USP34: variants seen among roughly 807,000 people sequenced by gnomAD.
USP34 encodes the protein ubiquitin carboxyl-terminal hydrolase 34.
A neutral mutation model predicts 460.3 loss-of-function variants in USP34; 70 were observed. The observed-to-expected ratio is 0.15, with a 90% confidence interval of 0.13 to 0.19. USP34 has a LOEUF of 0.19. Ranked by LOEUF, USP34 falls within the 10% of genes least tolerant of loss-of-function variation. The probability of loss-of-function intolerance (pLI) is 1.00; values close to 1 mark genes in which losing one functional copy is unlikely to be tolerated. For missense variants in USP34, 3,985 were observed against 4,236.2 expected (o/e 0.94, Z 1.65); for synonymous variants, 1,647 against 1,405.3 (o/e 1.17, Z -3.85).
At position 61,322,944 on chromosome 2, in the gene USP34, A is replaced by C. The variant is rs116173242; in HGVS notation, c.3013+2431T>G. Among the ~76,000 whole-genome samples, 543 of 140,062 alleles carry C rather than the reference A, an allele frequency of 3.9e-3. 5 individuals carry two copies. Among genetic ancestry groups the C allele is most frequent in the African/African-American group, 0.013 (500 of 37,590 alleles). The allele number at this position is 140,062 out of a possible 152,430, so 91.9% of individuals were successfully genotyped here. ...TTGGCTGAATCACCAATCCACATTC[A>C]ATGAGCAACTTAAACACTTTTGTTA... is the stretch of plus-strand genomic sequence containing the variant. On this transcript the variant is annotated intron_variant, in intron 21 of 79. Transcript: ENST00000398571.
rs1285437138 is a variant in USP34 at position 61,323,036 on chromosome 2, A to G, written c.3013+2339T>C. Among the ~76,000 whole-genome samples, 6 of 152,198 alleles carry G rather than the reference A, an allele frequency of 3.9e-5. No homozygotes were observed. The East Asian group carries it at 9.6e-4, about 24-fold the overall frequency. Reference sequence around the variant, plus strand: ...ATTAAAATATTGGATGTAATTACATATAACTTTGAAGTAACTTCGTTATGG... The same window carrying G: ...ATTAAAATATTGGATGTAATTACATGTAACTTTGAAGTAACTTCGTTATGG... On this transcript the variant is annotated intron_variant, in intron 21 of 79. Transcript: ENST00000398571.
intron 27 of USP34, among the ~76,000 whole-genome samples, chr2:61,302,116 T>C (rs945984973): frequency 6.6e-6 from 1 of 152,162 alleles, no homozygotes; most frequent in Non-Finnish European, 1.5e-5. Context: ...AAGTATTGTA[T>C]AATGTACAAC....
At chr2:61,448,457 G>A (rs1361149667) in intron 1 of USP34, among the ~76,000 whole-genome samples, 2 of 152,120 alleles carry the variant, frequency 1.3e-5, no homozygotes, top group East Asian at 1.9e-4. Context: ...CTGTCTCAAG[G>A]ACGGGGAAAA....
chr2:61,188,811 G>A (rs1686530975), intron 79 of USP34, 99 bp downstream of exon 79: 2 of 1,568,904 alleles, frequency 1.3e-6, no homozygotes, highest in Non-Finnish European at 1.7e-6. Flanking sequence ...TTTATATTTA[G>A]GAGGTTCAGC....
In USP34 at chr2:61,188,294, C is replaced by G. The variant is rs1686505470; in HGVS notation, c.10449G>C (p.Leu3483Phe). The G allele has an allele frequency of 1.9e-6, 3 of 1,613,688 alleles. No individual in the cohort carries two copies. Among genetic ancestry groups the G allele is most frequent in the African/African-American group, 2.7e-5 (2 of 74,914 alleles). ...ISAVLSDLAD[L>F]RSCDGQALPS... ...GCAAAGCTTGGCCATCACAGCTTCT[C>G]AAGTCAGCTAAGTCAGACAGAACTG... The change falls in exon 80 of 80, where the codon TTG becomes TTC. Residue 3483 changes from leucine to phenylalanine, a missense_variant. Leu to Phe is a conservative substitution (Grantham distance 22). Transcript: ENST00000398571.
intron 57 of USP34, among the ~76,000 whole-genome samples, chr2:61,235,029 A>T (rs1469709207): frequency 6.6e-6 from 1 of 152,190 alleles, no homozygotes; most frequent in African/African-American, 2.4e-5. Flanking sequence ...AAACTGATTT[A>T]AAAAAAGACT....
At chr2:61,211,717 G>C in intron 69 of USP34, 55 bp downstream of exon 69, 5 of 1,463,542 alleles carry the variant, frequency 3.4e-6, no homozygotes, top group Non-Finnish European at 3.6e-6. Flanking sequence ...ACATCAAAAG[G>C]ATGGTCCTCA....
At chr2:61,365,446 C>G (rs1354285928) in intron 10 of USP34, among the ~76,000 whole-genome samples, 2 of 151,904 alleles carry the variant, frequency 1.3e-5, no homozygotes, top group African/African-American at 2.4e-5. Context: ...AGAGAAAAAC[C>G]TTGCCAGCAG....
chr2:61,400,942 G>C (rs186126624), intron 3 of USP34, among the ~76,000 whole-genome samples: 100 of 152,144 alleles, frequency 6.6e-4, no homozygotes, highest in Admixed American at 1.1e-3. Flanking sequence ...ACAAGATCAA[G>C]TGATTGAGAC....
intron 33 of USP34, among the ~76,000 whole-genome samples, chr2:61,292,112 T>A (rs1572905519): frequency 1.3e-5 from 2 of 152,148 alleles, no homozygotes. Context: ...TGGAATTAGA[T>A]GCTGGTCATA....
chr2:61,431,582 G>C (rs769017535), intron 1 of USP34, among the ~76,000 whole-genome samples: 1 of 152,160 alleles, frequency 6.6e-6, no homozygotes, highest in Non-Finnish European at 1.5e-5. Context: ...CTGGCCGGGC[G>C]TGGTGGCTCA....
At chr2:61,345,802 T>A (rs1300673042) in intron 15 of USP34, among the ~76,000 whole-genome samples, 2 of 152,148 alleles carry the variant, frequency 1.3e-5, no homozygotes, top group East Asian at 3.9e-4. Flanking sequence ...GCCTGGCTAG[T>A]GTTTTTAATA....
Position 61,441,638 on chromosome 2 carries a change from A to G in USP34, c.44-20805T>C, listed in dbSNP as rs1385499424. Among the ~76,000 whole-genome samples the G allele has an allele frequency of 3.3e-5, 5 of 151,842 alleles. No homozygotes were observed. In the East Asian group the frequency reaches 7.8e-4, roughly 24 times the overall value. ...CACTCAACAGGCACAGAAATGCGTA[A>G]GTGCCAAAAAAAAAAATTAACCAGG... On this transcript the variant is annotated intron_variant, in intron 1 of 79. Coordinates refer to ENST00000398571, the MANE Select transcript of USP34 (RefSeq NM_014709.4).
rs1357725897 is a variant in USP34, at chr2:61,348,284, T to C, written c.1871A>G (p.Asp624Gly). The C allele has an allele frequency of 8.1e-6, 13 of 1,614,118 alleles. No individual in the cohort carries two copies. The highest frequency in any genetic ancestry group is 8.5e-6 in the Non-Finnish European group (10 of 1,180,048). ...ATTATGACCATGATCATCGTCTTCA[T>C]CTTCCTCTTTGAGGGCTTCAATATC... ...IADIEALKEEDEDDDHGHNPP... is the reference protein window; with the variant it reads ...IADIEALKEEGEDDDHGHNPP... The change falls in exon 15 of 80, where the codon GAT (aspartate) becomes GGT (glycine). Residue 624 changes from aspartate to glycine, a missense_variant. Asp to Gly is a moderately conservative substitution (Grantham distance 94). Around this residue, in one of 14 missense-constraint regions of USP34, gnomAD observed 716 missense variants for 626.2 expected, o/e 1.14. Coordinates refer to ENST00000398571, the MANE Select transcript of USP34 (RefSeq NM_014709.4).
chr2:61,388,613 A>G (rs1360913160), intron 5 of USP34, among the ~76,000 whole-genome samples: 1 of 151,814 alleles, frequency 6.6e-6, no homozygotes, highest in Non-Finnish European at 1.5e-5. Flanking sequence ...AAAATTAGCC[A>G]GGCATGGTGG....
intron 1 of USP34, among the ~76,000 whole-genome samples, chr2:61,443,011 A>C (rs1368520293): frequency 2.0e-5 from 3 of 152,162 alleles, no homozygotes; most frequent in African/African-American, 7.2e-5. Flanking sequence ...GGAGGACATT[A>C]TCTTATGTGA....
chr2:61,278,543 G>C (rs1689441124), intron 39 of USP34, 100 bp from the exon 40 acceptor site: 2 of 916,804 alleles, frequency 2.2e-6, no homozygotes. Context: ...CAATAATTTA[G>C]TTCTCCCAAA....
chr2:61,259,849 G>T, intron 43 of USP34, 73 bp from the exon 44 acceptor site: 1 of 1,366,980 alleles, frequency 7.3e-7, no homozygotes, highest in Non-Finnish European at 1.0e-6. Context: ...AGCAAAGAAA[G>T]TCTTGCAATG....
intron 67 of USP34, among the ~76,000 whole-genome samples, chr2:61,214,905 G>C (rs1687356670): frequency 6.6e-6 from 1 of 152,162 alleles, no homozygotes; most frequent in Admixed American, 6.5e-5. Flanking sequence ...TTCTGCCATT[G>C]TTATTTTTGA....
Sources: allele counts gnomAD v4.1 joint callset (sites outside exome capture counted in the v4.1 genomes callset), GRCh38; gene constraint gnomAD v4.1.1; regional missense constraint gnomAD v4.1.1; transcripts MANE v1.5; gene names NCBI Gene and HGNC (gene_info 2026-07-23, HGNC 2026-07-21).